Variants in ZNF280C observed in about 807,000 individuals in gnomAD.
ZNF280C encodes zinc finger protein 280C, also known as suppressor of hairy wing homolog 3.
Under a neutral mutation model 53.6 loss-of-function variants are expected in ZNF280C, and 14 were observed. That is an observed-to-expected ratio of 0.26 (90% CI 0.17 to 0.41). The LOEUF is 0.41. Among genes scored for constraint, ZNF280C ranks in the 10% least tolerant of loss-of-function variants. ZNF280C has a pLI of 1.00. For synonymous variants in ZNF280C, 203 were observed against 181.1 expected (o/e 1.12, Z -0.97); for missense variants, 416 against 547.1 (o/e 0.76, Z 2.39).
chrX:130,227,648 A>G, intron 11 of ZNF280C, 34 bp downstream of exon 11: 3 of 994,295 alleles, frequency 3.0e-6, no homozygotes, highest in Non-Finnish European at 4.3e-6. Context: ...AAAATTAAAC[A>G]AACACTTAAC....
intron 2 of ZNF280C, among the ~76,000 whole-genome samples, chrX:130,247,254 G>A (rs967599683): frequency 1.1e-4 from 12 of 110,818 alleles, no homozygotes; most frequent in South Asian, 3.8e-4. Context: ...GACTACAGGC[G>A]CCCACTGCTA....
intron 12 of ZNF280C, among the ~76,000 whole-genome samples, chrX:130,222,279 CACACACA>C: frequency 2.2e-5 from 1 of 45,967 alleles, no homozygotes; most frequent in African/African-American, 7.5e-5. Flanking sequence ...TCAGACACCA[CACACACA>C]CACACACACA....
At chrX:130,246,529 A>T (rs980228319) in intron 3 of ZNF280C, among the ~76,000 whole-genome samples, 3 of 112,554 alleles carry the variant, frequency 2.7e-5, no homozygotes, top group Admixed American at 9.4e-5. Flanking sequence ...GGAGAAAAAA[A>T]AATTAACAAA....
At chrX:130,215,761 G>A in intron 14 of ZNF280C, 30 bp downstream of exon 14, 2 of 1,113,888 alleles carry the variant, frequency 1.8e-6, no homozygotes, top group Admixed American at 5.4e-5. Context: ...GATTAAATTT[G>A]TATTGTATAT....
intron 13 of ZNF280C, 61 bp from the exon 14 acceptor site, chrX:130,216,162 TATC>T: frequency 3.0e-6 from 3 of 1,003,579 alleles, no homozygotes; most frequent in Non-Finnish European, 4.1e-6. Flanking sequence ...GTATTAAAAA[TATC>T]ATTGTAAGCC....
At chrX:130,224,846 T>G (rs2032204063) in intron 12 of ZNF280C, among the ~76,000 whole-genome samples, 1 of 111,898 alleles carries the variant, frequency 8.9e-6, no homozygotes, top group Admixed American at 9.5e-5. Context: ...CGTATTTTTT[T>G]GTGCGAATTT....
intron 8 of ZNF280C, among the ~76,000 whole-genome samples, chrX:130,234,888 A>G (rs2032315328): frequency 8.9e-6 from 1 of 112,030 alleles, no homozygotes; most frequent in African/African-American, 3.2e-5. Context: ...ATAACTATAT[A>G]AACTATATTA....
intron 1 of ZNF280C, among the ~76,000 whole-genome samples, chrX:130,265,076 CT>C (rs948375687): frequency 2.7e-5 from 3 of 111,755 alleles, no homozygotes; most frequent in Non-Finnish European, 5.7e-5. Context: ...TGCAAATTAT[CT>C]TTTTTTCTGA....
At chrX:130,232,661 C>T (rs189484955) in intron 8 of ZNF280C, among the ~76,000 whole-genome samples, 1 of 111,715 alleles carries the variant, frequency 9.0e-6, no homozygotes, top group Non-Finnish European at 1.9e-5. Context: ...CCTATTAGAA[C>T]AGCTATATCA....
intron 1 of ZNF280C, among the ~76,000 whole-genome samples, chrX:130,263,808 CA>C (rs1379631101): frequency 9.1e-6 from 1 of 109,592 alleles, no homozygotes. Flanking sequence ...AGGTGCATTG[CA>C]AAGTCAGGAG....
chrX:130,220,201 G>A (rs2032148804), intron 13 of ZNF280C, 148 bp downstream of exon 13: 1 of 447,952 alleles, frequency 2.2e-6, no homozygotes, highest in Non-Finnish European at 3.3e-6. Flanking sequence ...TAGTTATTTT[G>A]AAATACACAA....
intron 1 of ZNF280C, among the ~76,000 whole-genome samples, chrX:130,265,066 T>C (rs1160180911): frequency 1.8e-5 from 2 of 112,160 alleles, no homozygotes; most frequent in Admixed American, 9.5e-5. Context: ...TTTTATACTA[T>C]GCAAATTATC....
intron 16 of ZNF280C, among the ~76,000 whole-genome samples, chrX:130,209,135 C>T (rs952151668): frequency 7.1e-5 from 8 of 112,051 alleles, no homozygotes; most frequent in Non-Finnish European, 1.3e-4. Flanking sequence ...GTGCCAGGTA[C>T]TATGTGCCTG....
intron 2 of ZNF280C, among the ~76,000 whole-genome samples, chrX:130,253,165 A>T (rs1346307680): frequency 8.9e-6 from 1 of 112,230 alleles, no homozygotes; most frequent in Non-Finnish European, 1.9e-5. Flanking sequence ...CTTATTCACA[A>T]CAGCTACAAA....
intron 2 of ZNF280C, among the ~76,000 whole-genome samples, chrX:130,251,141 G>A (rs141685859): frequency 5.6e-5 from 6 of 107,183 alleles, no homozygotes; most frequent in African/African-American, 1.7e-4. Flanking sequence ...GCTTAGCCAG[G>A]CATGATGGCA....
chrX:130,212,849 G>A (rs1459096347), intron 15 of ZNF280C, among the ~76,000 whole-genome samples: 1 of 111,429 alleles, frequency 9.0e-6, no homozygotes, highest in Non-Finnish European at 1.9e-5. Context: ...TAAGGGTGTG[G>A]AGGAAATGCA....
chrX:130,214,029 G>A (rs209232), intron 15 of ZNF280C, among the ~76,000 whole-genome samples: 55,704 of 110,600 alleles, frequency 0.5, 10,830 homozygotes, highest in African/African-American at 0.72. Context: ...TGAACTCCTA[G>A]GCTCAAGCAA....
intron 1 of ZNF280C, among the ~76,000 whole-genome samples, chrX:130,267,254 A>G (rs1427900931): frequency 8.9e-6 from 1 of 111,929 alleles, no homozygotes; most frequent in Non-Finnish European, 1.9e-5. Flanking sequence ...ATGCTTAGAA[A>G]TAATATTAAA....
intron 2 of ZNF280C, among the ~76,000 whole-genome samples, chrX:130,251,218 G>A (rs1038674550): frequency 1.0e-4 from 10 of 96,841 alleles, no homozygotes; most frequent in Admixed American, 8.2e-4. Flanking sequence ...GGAGACTGGG[G>A]ATGCAGTGAG....
Sources: allele counts gnomAD v4.1 joint callset (sites outside exome capture counted in the v4.1 genomes callset), GRCh38; gene constraint gnomAD v4.1.1; transcripts MANE v1.5; gene names NCBI Gene and HGNC (gene_info 2026-07-23, HGNC 2026-07-21).